RASGRP1: variants seen among roughly 807,000 people sequenced by gnomAD.
The protein encoded by RASGRP1 is RAS guanyl-releasing protein 1.
Under a neutral mutation model 95.1 loss-of-function variants are expected in RASGRP1, and 37 were observed. The ratio of observed to expected loss-of-function variants is 0.39; its 90% confidence interval spans 0.30 to 0.51. The LOEUF is 0.51. Among genes scored for constraint, RASGRP1 ranks in the 20% least tolerant of loss-of-function variants. The pLI, the probability that RASGRP1 is intolerant of heterozygous loss-of-function variation, is 0.80. For synonymous variants in RASGRP1, 325 were observed against 353.4 expected, an observed-to-expected ratio of 0.92 and a Z score of 0.90; for missense variants, 711 against 965.4, an observed-to-expected ratio of 0.74 and a Z score of 3.49.
At chr15:38,542,844 T>C (rs1347662895) in intron 2 of RASGRP1, among the ~76,000 whole-genome samples, 1 of 126,910 alleles carries the variant, frequency 7.9e-6, no homozygotes, top group African/African-American at 3.2e-5. Context: ...TGTATATATA[T>C]ATATGTGTAT....
intron 2 of RASGRP1, among the ~76,000 whole-genome samples, chr15:38,536,837 G>A (rs1892669390): frequency 1.3e-5 from 2 of 152,228 alleles, no homozygotes; most frequent in Non-Finnish European, 2.9e-5. Context: ...ACATCACCAT[G>A]TAGGGTAAAA....
intron 15 of RASGRP1, 51 bp downstream of exon 15, chr15:38,498,741 CTT>C: frequency 6.3e-7 from 1 of 1,585,244 alleles, no homozygotes; most frequent in Admixed American, 1.8e-5. Context: ...GTCTCTAAAA[CTT>C]TTCCCTTCCT....
intron 2 of RASGRP1, among the ~76,000 whole-genome samples, chr15:38,537,109 C>G (rs1167789671): frequency 6.6e-6 from 1 of 151,468 alleles, no homozygotes; most frequent in East Asian, 1.9e-4. Flanking sequence ...TTTTTTGTCC[C>G]TTAACTATGA....
intron 6 of RASGRP1, among the ~76,000 whole-genome samples, chr15:38,513,421 T>A (rs1056804109): frequency 2.6e-5 from 4 of 152,198 alleles, no homozygotes; most frequent in Non-Finnish European, 5.9e-5. Flanking sequence ...GACATAGAAT[T>A]GTTATGAAGA....
Position 38,526,383 on chromosome 15 carries a change from C to A in RASGRP1, c.242G>T (p.Arg81Leu). 1 of 1,613,054 alleles carries A rather than the reference C, an allele frequency of 6.2e-7. No homozygotes were observed. The highest frequency in any genetic ancestry group is 8.5e-7 in the Non-Finnish European group (1 of 1,179,312). The change falls in exon 3 of 17, where the codon CGA becomes CTA. Residue 81 changes from arginine (R) to leucine (L), a missense_variant. Transcript: ENST00000310803. ...CATGACTTGCAACAGTTGGTTACTT[C>A]GACACAGGTTTCCATCTGCATCTGA... ...QSFDADGNLC[R>L]SNQLLQVMLT...
chr15:38,508,121 A>G (rs2141104917), intron 8 of RASGRP1, 120 bp from the exon 9 acceptor site: 1 of 1,143,076 alleles, frequency 8.7e-7, no homozygotes, highest in Non-Finnish European at 1.2e-6. Context: ...TTTGTTGAGC[A>G]GGGGGTAATT....
rs1396661736 is a variant in RASGRP1 at position 38,488,349 on chromosome 15, C to T, written c.*2205G>A. 2 of 150,202 alleles carry T rather than the reference C, an allele frequency of 1.3e-5. No homozygotes were observed. Among genetic ancestry groups the T allele is most frequent in the South Asian group, 4.2e-4 (2 of 4,782 alleles). The allele number at this position is 150,202 out of a possible 1,614,324, so 9.3% of individuals were successfully genotyped here. ...GATAAATACCTGGCCAAACTAAAGTCGTGTGAGATGCAGAAATTTACACTA... is the reference window on the plus strand; with the variant it reads ...GATAAATACCTGGCCAAACTAAAGTTGTGTGAGATGCAGAAATTTACACTA... On this transcript the variant is annotated 3_prime_UTR_variant, in exon 17 of 17. Coordinates refer to ENST00000310803, the MANE Select transcript of RASGRP1 (RefSeq NM_005739.4).
intron 14 of RASGRP1, among the ~76,000 whole-genome samples, chr15:38,499,337 G>C (rs972390890): frequency 6.6e-6 from 1 of 152,156 alleles, no homozygotes; most frequent in African/African-American, 2.4e-5. Flanking sequence ...CACAAGGAAG[G>C]ACAGTTATGT....
chr15:38,548,586 T>C (rs1893196723), intron 2 of RASGRP1, among the ~76,000 whole-genome samples: 1 of 152,004 alleles, frequency 6.6e-6, no homozygotes, highest in African/African-American at 2.4e-5. Flanking sequence ...AAAAAGATTA[T>C]GGAAAATTAT....
At position 38,516,287 on chromosome 15, in the gene RASGRP1, C is replaced by T. The variant is rs1358543090; in HGVS notation, c.585G>A (p.Arg195=). Residue 195 remains arginine (R), a synonymous_variant, in exon 6 of 17, where the codon CGG becomes CGA. Transcript: ENST00000310803. ...GATGGTCAAAGAGCAGGGAGACTTTCCGTTTCTTGCTGGTATTTGATTTTA... is the reference window on the plus strand; with the variant it reads ...GATGGTCAAAGAGCAGGGAGACTTTTCGTTTCTTGCTGGTATTTGATTTTA... ...QRIKSNTSKK[R]KVSLLFDHLE... The T allele has an allele frequency of 3.1e-6, 5 of 1,605,810 alleles. No individual in the cohort carries two copies. In the African/African-American group the frequency reaches 5.4e-5, roughly 17 times the overall value.
chr15:38,524,382 C>T (rs374748453), intron 3 of RASGRP1: 2 of 152,104 alleles, frequency 1.3e-5, no homozygotes, highest in Non-Finnish European at 2.9e-5. Context: ...GACATTACAC[C>T]ATATGTAAGC....
At chr15:38,512,981 CA>C (rs756320616) in intron 6 of RASGRP1, 25 bp from the exon 7 acceptor site, 13 of 1,474,440 alleles carry the variant, frequency 8.8e-6, no homozygotes, top group South Asian at 2.9e-5. Context: ...ACAACAACAA[CA>C]AAAAAAACCT....
intron 2 of RASGRP1, among the ~76,000 whole-genome samples, chr15:38,555,054 C>G (rs1893499368): frequency 6.6e-6 from 1 of 152,190 alleles, no homozygotes; most frequent in African/African-American, 2.4e-5. Flanking sequence ...GTGCACAGAC[C>G]AAGTTGCAGA....
intron 16 of RASGRP1, among the ~76,000 whole-genome samples, chr15:38,492,454 TTTC>T (rs1210019381): frequency 7.2e-4 from 109 of 152,286 alleles, no homozygotes; most frequent in Non-Finnish European, 1.2e-3. Context: ...GTGGACAGTT[TTTC>T]AGTCTGTAGA....
intron 8 of RASGRP1, among the ~76,000 whole-genome samples, chr15:38,508,268 T>A (rs1320151479): frequency 6.6e-6 from 1 of 152,248 alleles, no homozygotes; most frequent in Non-Finnish European, 1.5e-5. Context: ...TTTATCATTT[T>A]TATGTTAAAA....
intron 2 of RASGRP1, among the ~76,000 whole-genome samples, chr15:38,550,843 A>AT (rs1434175682): frequency 5.9e-5 from 9 of 152,074 alleles, no homozygotes; most frequent in Non-Finnish European, 8.8e-5. Context: ...AGTGACGGTA[A>AT]TTTTTTTCTT....
intron 6 of RASGRP1, 25 bp from the exon 7 acceptor site, chr15:38,512,981 C>A (rs776588476): frequency 1.2e-4 from 177 of 1,474,566 alleles, no homozygotes; most frequent in East Asian, 7.4e-4. Context: ...ACAACAACAA[C>A]AAAAAAAACC....
intron 14 of RASGRP1, chr15:38,499,161 GCA>G: frequency 1.4e-6 from 1 of 702,120 alleles, no homozygotes; most frequent in Non-Finnish European, 2.6e-6. Context: ...GTGAATCTCA[GCA>G]TCAGAAGCAG....
intron 10 of RASGRP1, 182 bp from the exon 11 acceptor site, chr15:38,503,558 T>C (rs1891125824): frequency 3.3e-6 from 2 of 611,622 alleles, no homozygotes; most frequent in East Asian, 2.8e-5. Context: ...TAACAAGGCA[T>C]TGTGCTTACG....
Sources: gnomAD v4.1 joint callset for allele counts (sites outside exome capture counted in the v4.1 genomes callset) on GRCh38, gnomAD v4.1.1 for gene constraint, MANE v1.5 for transcripts, NCBI Gene and HGNC (gene_info 2026-07-23, HGNC 2026-07-21) for gene names.